Variants in MYH13 observed in about 807,000 individuals in gnomAD.
MYH13 encodes the protein myosin-13.
MYH13 carries 177 observed loss-of-function variants against 232.1 expected under a neutral mutation model. The ratio of observed to expected loss-of-function variants is 0.76; its 90% CI spans 0.67 to 0.86. MYH13 has a LOEUF of 0.86. Ranked by LOEUF, MYH13 falls within the 40% of genes least tolerant of loss-of-function variation. The probability of loss-of-function intolerance (pLI) is 0.00; values close to 1 mark genes in which losing one functional copy is unlikely to be tolerated. For synonymous variants in MYH13, 884 were observed against 923.5 expected, an observed-to-expected ratio of 0.96 and a Z score of 0.78; for missense variants, 2,246 against 2,405.9, an observed-to-expected ratio of 0.93 and a Z score of 1.39.
intron 35 of MYH13, 98 bp from the exon 36 acceptor site, chr17:10,307,162 GTTCCAT>G (rs1164468146): frequency 3.4e-6 from 5 of 1,458,106 alleles, no homozygotes; most frequent in Non-Finnish European, 4.6e-6. Context: ...TTGTGATCCT[GTTCCAT>G]TTCTTATTTT....
At chr17:10,321,756 A>G (rs1043778575) in intron 23 of MYH13, 48 bp from the exon 24 acceptor site, 1 of 1,507,118 alleles carries the variant, frequency 6.6e-7, no homozygotes, top group East Asian at 2.3e-5. Flanking sequence ...TTATGCCAGA[A>G]GCTTCCATCA....
chr17:10,333,598 G>T (rs1264549696), intron 18 of MYH13, among the ~76,000 whole-genome samples: 1 of 152,190 alleles, frequency 6.6e-6, no homozygotes, highest in Non-Finnish European at 1.5e-5. Context: ...GGCTGCAGAA[G>T]AGTAACCCAG....
At position 10,324,149 on chromosome 17, in the gene MYH13, A is replaced by G; in HGVS notation, c.2807T>C (p.Met936Thr). Residue 936 changes from methionine to threonine, a missense_variant, in exon 23 of 41, where the codon ATG becomes ACG. Physicochemically the swap from Met to Thr is moderately conservative, Grantham distance 81. Transcript: ENST00000252172. ...CTTCTTGGCAACCAATTCAGAATTC[A>G]TCTCCTCTTCCTCTTCCAATCTCTC... is the stretch of plus-strand genomic sequence containing the variant. ...LTERLEEEEEMNSELVAKKRN... is the reference protein window; with the variant it reads ...LTERLEEEEETNSELVAKKRN... The G allele has an allele frequency of 6.2e-7, 1 of 1,613,710 alleles. No homozygotes were observed.
intron 20 of MYH13, 87 bp from the exon 21 acceptor site, chr17:10,330,610 T>C: frequency 6.7e-7 from 1 of 1,502,822 alleles, no homozygotes. Flanking sequence ...TGCTCAACTC[T>C]GAGGCTCAAC....
intron 5 of MYH13, among the ~76,000 whole-genome samples, 193 bp downstream of exon 5, chr17:10,361,925 C>T (rs902191596): frequency 2.6e-5 from 4 of 152,222 alleles, no homozygotes; most frequent in Non-Finnish European, 4.4e-5. Context: ...TAGCTTCAGC[C>T]ATAATCACAG....
chr17:10,318,255 T>C (rs1906788433), intron 27 of MYH13, among the ~76,000 whole-genome samples: 1 of 152,126 alleles, frequency 6.6e-6, no homozygotes, highest in Non-Finnish European at 1.5e-5. Context: ...GATCATCCAA[T>C]TGTGCTTGAA....
intron 40 of MYH13, among the ~76,000 whole-genome samples, chr17:10,301,332 C>T (rs1373599735): frequency 6.6e-6 from 1 of 152,200 alleles, no homozygotes; most frequent in Non-Finnish European, 1.5e-5. Context: ...CTTCCAAGCT[C>T]TCCCTGGGTG....
chr17:10,311,344 A>G, intron 32 of MYH13, 117 bp from the exon 33 acceptor site: 1 of 1,303,804 alleles, frequency 7.7e-7, no homozygotes, highest in East Asian at 2.4e-5. Context: ...AGGAGAGAAT[A>G]CAGGGCAGCC....
chr17:10,316,220 G>C (rs1445445504), intron 27 of MYH13, among the ~76,000 whole-genome samples, 195 bp from the exon 28 acceptor site: 1 of 152,214 alleles, frequency 6.6e-6, no homozygotes, highest in Non-Finnish European at 1.5e-5. Flanking sequence ...CAGCACTTTG[G>C]GAGGCCGAGG....
chr17:10,325,958 A>G (rs1394867778), intron 22 of MYH13, among the ~76,000 whole-genome samples: 1 of 152,202 alleles, frequency 6.6e-6, no homozygotes, highest in Non-Finnish European at 1.5e-5. Context: ...TACAGGCGTG[A>G]GCCACCACGC....
At chr17:10,303,101 G>T in intron 39 of MYH13, 95 bp downstream of exon 39, 2 of 1,034,852 alleles carry the variant, frequency 1.9e-6, no homozygotes, top group Non-Finnish European at 3.0e-6. Flanking sequence ...CAGGCCTGAG[G>T]CTCAGGGGAC....
At position 10,360,197 on chromosome 17, in the gene MYH13, G is replaced by A. The variant is rs1157187480; in HGVS notation, c.506-9C>T. On this transcript the variant is annotated splice_polypyrimidine_tract_variant and intron_variant, in intron 5 of 40. Transcript: ENST00000252172. ...AGACTGGTTGTCTCGATCTAGAAAT[G>A]CAGAGGGAAGCAAAACAAAACAAAT... is the stretch of plus-strand genomic sequence containing the variant. The A allele has an allele frequency of 1.2e-6, 2 of 1,612,430 alleles. No homozygotes were observed. Among genetic ancestry groups the A allele is most frequent in the South Asian group, 1.1e-5 (1 of 90,704 alleles).
Position 10,332,125 on chromosome 17 carries a change from C to T in MYH13, c.2272G>A (p.Glu758Lys), listed in dbSNP as rs1227541362. The T allele has an allele frequency of 1.9e-6, 3 of 1,613,850 alleles. No homozygotes were observed. The highest frequency in any genetic ancestry group is 2.2e-5 in the East Asian group (1 of 44,892). ...KLLNSIDVDR[E>K]QFRFGNTKVF... ...TTGGTGTTGCCGAACCTGAACTGCT[C>T]CCGGTCCACATCGATGGAGTTGAGG... The change falls in exon 20 of 41, where the codon GAG becomes AAG. Residue 758 changes from glutamate (E) to lysine (K), a missense_variant. Coordinates refer to ENST00000252172, the MANE Select transcript of MYH13 (RefSeq NM_003802.3).
At position 10,306,502 on chromosome 17, in the gene MYH13, G is replaced by C. The variant is rs182969555; in HGVS notation, c.5423C>G (p.Ala1808Gly). 9.9e-6 allele frequency: 16 copies of C among 1,613,848 alleles called. No homozygotes were observed. The highest frequency in any genetic ancestry group is 1.7e-5 in the Admixed American group (1 of 59,976). ...QHRLDEAEQL[A>G]LKGGKKQIQK... is the part of the protein sequence containing the mutation. Reference sequence around the variant, plus strand: ...GATCTGCTTCTTCCCGCCCTTCAGCGCCAGTTGTTCAGCCTCATCTAGACG... The same window carrying C: ...GATCTGCTTCTTCCCGCCCTTCAGCCCCAGTTGTTCAGCCTCATCTAGACG... The change falls in exon 37 of 41, where the codon GCG becomes GGG. Residue 1808 changes from alanine to glycine, a missense_variant. Coordinates refer to ENST00000252172, the MANE Select transcript of MYH13 (RefSeq NM_003802.3). This position sits in a 1 kb window ranked among gnomAD's most constrained non-coding sequence, Gnocchi z 4.3.
At chr17:10,339,505 C>G (rs2071604743) in intron 18 of MYH13, among the ~76,000 whole-genome samples, 1 of 152,172 alleles carries the variant, frequency 6.6e-6, no homozygotes, top group Non-Finnish European at 1.5e-5. Flanking sequence ...AGTATGGCTT[C>G]AAACAGTTGT....
At chr17:10,371,512 G>A (rs569882284) in intron 1 of MYH13, among the ~76,000 whole-genome samples, 2 of 152,326 alleles carry the variant, frequency 1.3e-5, no homozygotes, top group South Asian at 4.1e-4. Flanking sequence ...ACAATGTACT[G>A]TGTCAGCTCC....
At chr17:10,363,394 C>T (rs73283828) in intron 3 of MYH13, among the ~76,000 whole-genome samples, 2,896 of 151,162 alleles carry the variant, frequency 0.019, 84 homozygotes, top group African/African-American at 0.066. Context: ...TTCCAAAAAC[C>T]TAAGTCCTTA....
At chr17:10,350,255 C>T (rs976839812) in intron 12 of MYH13, among the ~76,000 whole-genome samples, 11 of 152,154 alleles carry the variant, frequency 7.2e-5, no homozygotes, top group East Asian at 5.8e-4. Flanking sequence ...AATATTGTCT[C>T]AAAAAAGTCC....
intron 11 of MYH13, among the ~76,000 whole-genome samples, chr17:10,352,133 G>T (rs1371510784): frequency 6.6e-6 from 1 of 152,182 alleles, no homozygotes; most frequent in Non-Finnish European, 1.5e-5. Flanking sequence ...AACACTAAAA[G>T]GAGCAGGTGA....
Sources: gnomAD v4.1 joint callset for allele counts (sites outside exome capture counted in the v4.1 genomes callset) on GRCh38, gnomAD v4.1.1 for gene constraint, Gnocchi (gnomAD v3.1) non-coding constraint, MANE v1.5 for transcripts, NCBI Gene and HGNC (gene_info 2026-07-23, HGNC 2026-07-21) for gene names.